TMEM132E: variants seen among roughly 807,000 people sequenced by gnomAD.
TMEM132E encodes transmembrane protein 132E.
In TMEM132E, 49 loss-of-function variants were observed where a neutral mutation model predicts 78.5. The observed-to-expected ratio is 0.62, with a 90% confidence interval of 0.50 to 0.79. TMEM132E has a LOEUF of 0.79. TMEM132E is among the 30% of genes least tolerant of loss of function. The pLI is 0.00. For synonymous variants in TMEM132E, 715 were observed against 670.6 expected (o/e 1.07, Z -1.02); for missense variants, 1,403 against 1,470.9 (o/e 0.95, Z 0.75).
At chr17:34,602,989 T>C (rs1452582237) in intron 1 of TMEM132E, among the ~76,000 whole-genome samples, 2 of 152,072 alleles carry the variant, frequency 1.3e-5, no homozygotes, top group Non-Finnish European at 1.5e-5. Context: ...GCCAGCTACA[T>C]GGGGCTAGGA....
In TMEM132E at chr17:34,605,013, C is replaced by A. The variant is rs77685589; in HGVS notation, c.68-21114C>A. Among the ~76,000 whole-genome samples, 1,411 of 152,276 alleles carry A rather than the reference C, an allele frequency of 9.3e-3. 19 individuals are homozygous for A. Among genetic ancestry groups the A allele is most frequent in the African/African-American group, 0.032 (1,339 of 41,540 alleles). ...CTGAGCCCAAAACTTAAGCTGGAGA[C>A]CTCTACTTTCTGTAACCCACCTTCC... is the stretch of plus-strand genomic sequence containing the variant. On this transcript the variant is annotated intron_variant, in intron 1 of 8. Coordinates refer to ENST00000631683, the MANE Select transcript of TMEM132E (RefSeq NM_001304438.2).
At position 34,630,084 on chromosome 17, in the gene TMEM132E, T is replaced by G. The variant is rs1465451942; in HGVS notation, c.1415T>G (p.Val472Gly). 2 of 1,613,354 alleles carry G rather than the reference T, an allele frequency of 1.2e-6. No homozygotes were observed. Among genetic ancestry groups the G allele is most frequent in the Non-Finnish European group, 1.7e-6 (2 of 1,179,628 alleles). ...AIPVKVIAIE[V>G]NGLVLDISAL... ...CCTGTCAAGGTCATTGCCATCGAGG[T>G]GAATGGCCTCGTCCTGGACATCTCC... Residue 472 changes from valine (V) to glycine (G), a missense_variant, in exon 5 of 9, where the codon GTG becomes GGG. Physicochemically the swap from Val to Gly is moderately radical, Grantham distance 109. Around this residue, in one of 3 missense-constraint regions of TMEM132E, gnomAD observed 888 missense variants for 952.8 expected, o/e 0.93. Transcript: ENST00000631683.
At chr17:34,601,732 A>C (rs1906246774) in intron 1 of TMEM132E, among the ~76,000 whole-genome samples, 1 of 152,160 alleles carries the variant, frequency 6.6e-6, no homozygotes, top group African/African-American at 2.4e-5. Context: ...CTTCAGAGGG[A>C]AGAGAAGAGG....
chr17:34,611,878 T>A (rs1166152846), intron 1 of TMEM132E, among the ~76,000 whole-genome samples: 1 of 151,998 alleles, frequency 6.6e-6, no homozygotes, highest in Non-Finnish European at 1.5e-5. Flanking sequence ...ACATTGCAGG[T>A]CTCTTTTCTG....
At chr17:34,589,761 G>A (rs762203410) in intron 1 of TMEM132E, among the ~76,000 whole-genome samples, 14 of 152,250 alleles carry the variant, frequency 9.2e-5, no homozygotes, top group African/African-American at 2.9e-4. Context: ...CCCTGCCACC[G>A]CATGACGGCT....
rs761947697 is a variant in TMEM132E at position 34,628,564 on chromosome 17, G to A, written c.1000G>A (p.Val334Met). ...SPSVEHFTLR[V>M]KAKKGVTLLG... ...CTTCTTCCTCCCACTTTGTCCCAGGGTGAAGGCCAAGAAGGGTGTGACCCT... is the reference window on the plus strand; with the variant it reads ...CTTCTTCCTCCCACTTTGTCCCAGGATGAAGGCCAAGAAGGGTGTGACCCT... Residue 334 changes from valine to methionine, a missense_variant and splice_region_variant, in exon 3 of 9, where the codon GTG becomes ATG. Physicochemically the swap from Val to Met is conservative, Grantham distance 21 (BLOSUM62 1). Coordinates refer to ENST00000631683, the MANE Select transcript of TMEM132E (RefSeq NM_001304438.2). 6.2e-7 allele frequency: 1 copy of A among 1,613,806 alleles called. No individual in the cohort carries two copies. Among genetic ancestry groups the A allele is most frequent in the Admixed American group, 1.7e-5 (1 of 59,992 alleles).
At chr17:34,616,971 CCTT>C (rs1485842174) in intron 1 of TMEM132E, among the ~76,000 whole-genome samples, 2 of 152,200 alleles carry the variant, frequency 1.3e-5, no homozygotes, top group Non-Finnish European at 2.9e-5. Flanking sequence ...TCTGTTTGCT[CCTT>C]GAGCTGTGCA....
chr17:34,620,631 A>C (rs138874890), intron 1 of TMEM132E, among the ~76,000 whole-genome samples: 134 of 152,396 alleles, frequency 8.8e-4, no homozygotes, highest in African/African-American at 3.1e-3. Flanking sequence ...CAATCACAGA[A>C]GTGACTAATG....
intron 1 of TMEM132E, among the ~76,000 whole-genome samples, chr17:34,619,581 T>G (rs1219342273): frequency 6.6e-6 from 1 of 151,912 alleles, no homozygotes; most frequent in African/African-American, 2.4e-5. Context: ...TTGTCACCAT[T>G]AACTATCAGC....
rs936735329 is a variant in TMEM132E, at chr17:34,637,969, G to A, written c.2962G>A (p.Asp988Asn). The A allele has an allele frequency of 1.3e-6, 2 of 1,599,226 alleles. No individual in the cohort carries two copies. The highest frequency in any genetic ancestry group is 1.3e-5 in the African/African-American group (1 of 74,680). The change falls in exon 9 of 9, where the codon GAC becomes AAC. Residue 988 changes from aspartate to asparagine, a missense_variant. Physicochemically the swap from Asp to Asn is conservative, Grantham distance 23 (BLOSUM62 1). Transcript: ENST00000631683. ...SVQSQVHGRG[D>N]GSSGGSARDQ... is the part of the protein sequence containing the mutation. ...CCAGAGCCAGGTGCACGGCAGGGGC[G>A]ACGGCTCCTCGGGCGGCTCAGCCCG...
chr17:34,637,626 GC>G lies in TMEM132E; in HGVS notation c.2622del (p.Thr875ProfsTer10). 1 of 1,604,460 alleles carries G rather than the reference GC, an allele frequency of 6.2e-7. No individual in the cohort carries two copies. On this transcript the variant is annotated frameshift_variant, in exon 9 of 9. Coordinates refer to ENST00000631683, the MANE Select transcript of TMEM132E (RefSeq NM_001304438.2). LOFTEE classifies it high-confidence loss of function. ...VPPTEDFLPLPTGFLQVPRGL... is the reference protein window; with the variant it reads ...VPPTEDFLPLXTGFLQVPRGL... The stretch of plus-strand genomic sequence containing the variant: ...CACCCACAGAAGACTTCCTGCCGCT[GC>G]CCACCGGCTTCCTGCAGGTGCCACG...
rs533211071 is a variant in TMEM132E, at chr17:34,626,009, C to T, written c.68-118C>T. 149 of 972,244 alleles carry T rather than the reference C, an allele frequency of 1.5e-4. No individual in the cohort carries two copies. In the African/African-American group the frequency reaches 2.3e-3, roughly 15 times the overall value. 60.2% of individuals were successfully genotyped at this position (972,244 alleles called of 1,614,324 possible). ...GGATGGACAGCCAGGCTGAACCTGC[C>T]CAGCTAGAGGAGTTGGCAGCCCTCT... On this transcript the variant is annotated intron_variant, in intron 1 of 8. Coordinates refer to ENST00000631683, the MANE Select transcript of TMEM132E (RefSeq NM_001304438.2).
In TMEM132E at chr17:34,628,443, C is replaced by T. The variant is rs112476655; in HGVS notation, c.999-120C>T. ...ACATTCATCTGAAACATCCAGGACT[C>T]GGGGTAACTTAGCTTATCTGTTCCC... On this transcript the variant is annotated intron_variant, in intron 2 of 8. Transcript: ENST00000631683. 479 of 1,170,360 alleles carry T rather than the reference C, an allele frequency of 4.1e-4. 1 individual carries two copies. In the African/African-American group the frequency reaches 6.6e-3, roughly 16 times the overall value. 72.5% of individuals were successfully genotyped at this position (1,170,360 alleles called of 1,614,324 possible).
chr17:34,602,699 G>GT (rs1481646960), intron 1 of TMEM132E, among the ~76,000 whole-genome samples: 1 of 152,224 alleles, frequency 6.6e-6, no homozygotes, highest in Non-Finnish European at 1.5e-5. Context: ...ACCCAGGGCA[G>GT]TGGGGTCAAA....
chr17:34,625,301 G>A (rs1907082255), intron 1 of TMEM132E, among the ~76,000 whole-genome samples: 1 of 152,266 alleles, frequency 6.6e-6, no homozygotes, highest in South Asian at 2.1e-4. Flanking sequence ...CCCATGTTTA[G>A]GTGTGGGAGA....
intron 1 of TMEM132E, among the ~76,000 whole-genome samples, chr17:34,609,491 G>A (rs758083119): frequency 1.3e-5 from 2 of 152,148 alleles, no homozygotes; most frequent in African/African-American, 2.4e-5. Context: ...AACTTAAGCT[G>A]GAGAACTTAA....
intron 6 of TMEM132E, 51 bp from the exon 7 acceptor site, chr17:34,634,748 C>G (rs1260344380): frequency 1.1e-5 from 17 of 1,552,472 alleles, no homozygotes; most frequent in Non-Finnish European, 1.4e-5. Flanking sequence ...GTGTACTGTG[C>G]AGGTCAGAGT....
chr17:34,590,256 T>C (rs899405674), intron 1 of TMEM132E, among the ~76,000 whole-genome samples: 1 of 152,008 alleles, frequency 6.6e-6, no homozygotes, highest in Non-Finnish European at 1.5e-5. Context: ...CCAGGAATCC[T>C]CCCCCCCGGA....
intron 1 of TMEM132E, among the ~76,000 whole-genome samples, chr17:34,614,187 A>G (rs889839866): frequency 2.6e-5 from 4 of 152,064 alleles, no homozygotes; most frequent in African/African-American, 4.8e-5. Flanking sequence ...TATCTTTTCC[A>G]CTAGGAAAGA....
Sources: gnomAD v4.1 joint callset for allele counts (sites outside exome capture counted in the v4.1 genomes callset) on GRCh38, gnomAD v4.1.1 for gene constraint, gnomAD v4.1.1 regional missense constraint, MANE v1.5 for transcripts, NCBI Gene and HGNC (gene_info 2026-07-23, HGNC 2026-07-21) for gene names.